Variants in EEF1D observed in about 807,000 individuals in gnomAD.
EEF1D encodes elongation factor 1-delta.
Under a neutral mutation model 63.9 loss-of-function variants are expected in EEF1D, and 47 were observed. That is an observed-to-expected ratio of 0.74 (90% CI 0.58 to 0.94). The LOEUF (loss-of-function observed/expected upper bound fraction) is 0.94, where lower values mean the gene tolerates loss of function less well. EEF1D is among the 40% of genes least tolerant of loss of function. The pLI is 0.00. For missense variants in EEF1D, 907 were observed against 899.0 expected (o/e 1.01, Z -0.11); for synonymous variants, 412 against 386.1 (o/e 1.07, Z -0.79).
Position 143,589,030 on chromosome 8 carries a change from C to G in EEF1D, c.1052G>C (p.Gly351Ala), listed in dbSNP as rs762405698. Residue 351 changes from glycine to alanine, a missense_variant, in exon 3 of 10, where the codon GGT becomes GCT. Coordinates refer to ENST00000618139, the MANE Select transcript of EEF1D (RefSeq NM_001130053.5). ...GGACACGGACAGGCCAGACCGAGGA[C>G]CGGGTCGGTGAGACAGGGAGGCAGC... ...LEAASLSHRP[G>A]PRSGLSVSSL... 8.7e-6 allele frequency: 14 copies of G among 1,602,364 alleles called. No homozygotes were observed. In the Admixed American group the frequency reaches 2.0e-4, roughly 23 times the overall value.
Position 143,589,953 on chromosome 8 carries a change from T to C in EEF1D, c.129A>G (p.Pro43=). The change falls in exon 3 of 10, where the codon CCA becomes CCG. Residue 43 remains proline (P), a synonymous_variant. Transcript: ENST00000618139. ...GCCCATTCATGGCTGGCCCCTCGGC[T>C]GGCAGCTGCTGGGCGGAGGCGGCCG... ...TQAAASAQQL[P]AEGPAMNGPG... 1 of 1,598,886 alleles carries C rather than the reference T, an allele frequency of 6.3e-7. No homozygotes were observed. The highest frequency in any genetic ancestry group is 1.1e-5 in the South Asian group (1 of 91,004).
At chr8:143,592,388 T>C (rs7821226) in intron 2 of EEF1D, among the ~76,000 whole-genome samples, 121,349 of 151,802 alleles carry the variant, frequency 0.8, 50,278 homozygotes, top group Non-Finnish European at 0.92. Context: ...CACTGCCACC[T>C]GTTCCCTGCA....
chr8:143,594,686 C>T (rs745773271), intron 1 of EEF1D, among the ~76,000 whole-genome samples: 3 of 152,224 alleles, frequency 2.0e-5, no homozygotes, highest in Non-Finnish European at 2.9e-5. Flanking sequence ...AGCCTGTGCA[C>T]GCCCACCCCT....
At chr8:143,595,259 T>C (rs962117367) in intron 1 of EEF1D, among the ~76,000 whole-genome samples, 1 of 152,002 alleles carries the variant, frequency 6.6e-6, no homozygotes, top group Non-Finnish European at 1.5e-5. Context: ...TTAGTAGAGA[T>C]GGGGTTTCAC....
chr8:143,592,597 T>TC, intron 2 of EEF1D, 50 bp downstream of exon 2: 1 of 984,788 alleles, frequency 1.0e-6, no homozygotes, highest in Non-Finnish European at 1.2e-6. Context: ...GGCTGGGGGT[T>TC]CCCCGGTCAA....
chr8:143,592,798 C>T lies in EEF1D; in HGVS notation c.-14-138G>A, dbSNP rs565900672. On this transcript the variant is annotated intron_variant, in intron 1 of 9. Transcript: ENST00000618139. ...TTGGCGAGGTGGTGTGGAGGTGACA[C>T]TGGTGGAGATGGAAGCTGAGCGCCA... 1.2e-5 allele frequency: 8 copies of T among 694,078 alleles called. No individual in the cohort carries two copies. In the South Asian group the frequency reaches 5.1e-4, roughly 44 times the overall value. The allele number at this position is 694,078 out of a possible 1,614,324, so 43.0% of individuals were successfully genotyped here.
At chr8:143,583,978 G>A (rs1458699330) in intron 5 of EEF1D, 1 of 152,266 alleles carries the variant, frequency 6.6e-6, no homozygotes, top group Non-Finnish European at 1.5e-5. Context: ...AGCCAGAAGA[G>A]ACAAGGAAGC....
In EEF1D at chr8:143,580,188, T is replaced by C. The variant is rs775241618; in HGVS notation, c.1729A>G (p.Met577Val). The C allele has an allele frequency of 1.4e-5, 22 of 1,613,394 alleles. No homozygotes were observed. Among genetic ancestry groups the C allele is most frequent in the Admixed American group, 1.3e-4 (8 of 59,978 alleles). The change falls in exon 9 of 10, where the codon ATG (methionine) becomes GTG (valine). Residue 577 changes from methionine (M) to valine (V), a missense_variant. Physicochemically the swap from Met to Val is conservative, Grantham distance 21. Transcript: ENST00000618139. ...CGCACACAGGCCTCCAGCTGGGCCA[T>C]GTCCGTCTCATCATCCCACTGTGGG... ...DVKPWDDETDMAQLEACVRSI... is the reference protein window; with the variant it reads ...DVKPWDDETDVAQLEACVRSI...
chr8:143,589,684 G>A lies in EEF1D; in HGVS notation c.398C>T (p.Ala133Val). The change falls in exon 3 of 10, where the codon GCT becomes GTT. Residue 133 changes from alanine to valine, a missense_variant. Transcript: ENST00000618139. ...SSYRQKLADV[A>V]AQAAWPPALA... ...GGCAGGAGGCCAGGCTGCCTGGGCA[G>A]CCACATCTGCCAGCTTCTGGCGGTA... 1 of 1,529,584 alleles carries A rather than the reference G, an allele frequency of 6.5e-7. No homozygotes were observed. Among genetic ancestry groups the A allele is most frequent in the Non-Finnish European group, 8.8e-7 (1 of 1,137,886 alleles). 94.8% of individuals were successfully genotyped at this position (1,529,584 alleles called of 1,614,324 possible).
Position 143,580,074 on chromosome 8 carries a change from C to A in EEF1D, c.1843G>T (p.Val615Leu). The change falls in exon 9 of 10, where the codon GTG (valine) becomes TTG (leucine). Residue 615 changes from valine to leucine, a missense_variant. Transcript: ENST00000618139. The stretch of plus-strand genomic sequence containing the variant: ...TCTGTCCCCACCTTGTCGTCCTCCA[C>A]CACACACTGAATCTGTAGCTTCCGG... ...GIRKLQIQCV[V>L]EDDKVGTDLL... The A allele has an allele frequency of 1.9e-6, 3 of 1,614,084 alleles. No individual in the cohort carries two copies. Among genetic ancestry groups the A allele is most frequent in the Non-Finnish European group, 2.5e-6 (3 of 1,180,016 alleles).
At chr8:143,593,827 C>A (rs1828367074) in intron 1 of EEF1D, 1 of 983,834 alleles carries the variant, frequency 1.0e-6, no homozygotes, top group South Asian at 4.7e-5. Context: ...CACGTCCGAG[C>A]CCACCTCCTC....
intron 1 of EEF1D, chr8:143,593,908 A>G: frequency 1.0e-6 from 1 of 985,444 alleles, no homozygotes; most frequent in Non-Finnish European, 1.2e-6. Context: ...CTCCTAACAG[A>G]GACCAAGTCT....
chr8:143,585,200 G>A (rs1056717376), intron 5 of EEF1D, among the ~76,000 whole-genome samples: 2 of 152,190 alleles, frequency 1.3e-5, no homozygotes, highest in Non-Finnish European at 2.9e-5. Flanking sequence ...TCAGGATTTT[G>A]AGGTGGGAAC....
intron 1 of EEF1D, 166 bp from the exon 2 acceptor site, chr8:143,592,826 C>T: frequency 2.5e-5 from 10 of 393,764 alleles, no homozygotes; most frequent in Non-Finnish European, 3.5e-5. Context: ...GAGCGCCAGA[C>T]AGACCCGCCG....
In EEF1D at chr8:143,586,341, TTTAA is replaced by T. The variant is rs759457282; in HGVS notation, c.1216-55_1216-52del. On this transcript the variant is annotated intron_variant, in intron 4 of 9. Transcript: ENST00000618139. ...TCTTTTTTTTATTATTAAAAAAGAA[TTTAA>T]TTAAAAAACAAACCAAAAAACCCCA... The T allele has an allele frequency of 6.4e-5, 93 of 1,454,070 alleles. 1 individual carries two copies. Among genetic ancestry groups the T allele is most frequent in the South Asian group, 6.3e-4 (46 of 72,816 alleles). The allele number at this position is 1,454,070 out of a possible 1,614,324, so 90.1% of individuals were successfully genotyped here. A position where few individuals can be genotyped will look rare whatever the true frequency, so the allele number is the denominator to read the frequency against.
chr8:143,584,372 G>A (rs1388393602), intron 5 of EEF1D: 1 of 144,168 alleles, frequency 6.9e-6, no homozygotes, highest in Non-Finnish European at 1.5e-5. Flanking sequence ...CCAACATGGC[G>A]AAACCCTGCC....
At chr8:143,581,625 G>A (rs2130810985) in intron 5 of EEF1D, 5 of 498,848 alleles carry the variant, frequency 1.0e-5, no homozygotes, top group Non-Finnish European at 1.4e-5. Context: ...TGAGCAGCCA[G>A]GCTCAGAGGC....
At position 143,588,921 on chromosome 8, in the gene EEF1D, C is replaced by T. The variant is rs530230308; in HGVS notation, c.1091+70G>A. The T allele has an allele frequency of 1.1e-5, 16 of 1,512,068 alleles. No homozygotes were observed. In the East Asian group the frequency reaches 3.6e-4, roughly 34 times the overall value. 93.7% of individuals were successfully genotyped at this position (1,512,068 alleles called of 1,614,324 possible). A position where few individuals can be genotyped will look rare whatever the true frequency, so the allele number is the denominator to read the frequency against. On this transcript the variant is annotated intron_variant, in intron 3 of 9. Transcript: ENST00000618139. The stretch of plus-strand genomic sequence containing the variant: ...TGGGCAGGGGAGGAAGCTGGAGGAG[C>T]CCCAGCCTGGGATGGCTGTCCCTGT...
intron 2 of EEF1D, chr8:143,592,105 G>A (rs1587227889): frequency 1.0e-6 from 1 of 985,536 alleles, no homozygotes; most frequent in Non-Finnish European, 1.2e-6. Context: ...CAGGCTGATG[G>A]GCAGAGGCAG....
Sources: gnomAD v4.1 joint callset for allele counts (sites outside exome capture counted in the v4.1 genomes callset) on GRCh38, gnomAD v4.1.1 for gene constraint, MANE v1.5 for transcripts, NCBI Gene and HGNC (gene_info 2026-07-23, HGNC 2026-07-21) for gene names.